NRXN3: variants seen among roughly 807,000 people sequenced by gnomAD.
NRXN3 encodes the protein neurexin III.
In NRXN3, 32 loss-of-function variants were observed where a neutral mutation model predicts 137.6. The ratio of observed to expected loss-of-function variants is 0.23; its 90% CI spans 0.18 to 0.31. NRXN3 has a LOEUF of 0.31. NRXN3 is among the 10% of genes least tolerant of loss of function. NRXN3 has a pLI of 1.00. For missense variants in NRXN3, 1,574 were observed against 2,062.5 expected (o/e 0.76, Z 4.59); for synonymous variants, 798 against 784.5 (o/e 1.02, Z -0.29).
At chr14:79,544,236 C>T (rs760796854) in intron 16 of NRXN3, among the ~76,000 whole-genome samples, 14 of 152,154 alleles carry the variant, frequency 9.2e-5, no homozygotes, top group South Asian at 2.1e-4. Flanking sequence ...ATTGAACAAG[C>T]GCTACAGGAT....
chr14:78,348,676 G>T (rs1304945948), intron 4 of NRXN3, among the ~76,000 whole-genome samples: 1 of 152,156 alleles, frequency 6.6e-6, no homozygotes, highest in African/African-American at 2.4e-5. Context: ...GTATCACTTG[G>T]GAACCTACTG....
At chr14:79,499,046 C>A (rs1300961418) in intron 16 of NRXN3, among the ~76,000 whole-genome samples, 1 of 152,128 alleles carries the variant, frequency 6.6e-6, no homozygotes, top group Admixed American at 6.6e-5. Flanking sequence ...TCACTCCCTG[C>A]CAATCTTTTC....
At chr14:78,366,047 T>C (rs560697606) in intron 4 of NRXN3, among the ~76,000 whole-genome samples, 1 of 152,280 alleles carries the variant, frequency 6.6e-6, no homozygotes, top group South Asian at 2.1e-4. Context: ...TTTTAGCCAG[T>C]TATCTAACCT....
chr14:78,610,903 T>C (rs533168145), intron 4 of NRXN3, among the ~76,000 whole-genome samples: 6 of 152,168 alleles, frequency 3.9e-5, no homozygotes, highest in African/African-American at 1.4e-4. Flanking sequence ...GGAATATAGA[T>C]TGTGTTTTGG....
intron 4 of NRXN3, among the ~76,000 whole-genome samples, chr14:78,468,239 T>C (rs1357017843): frequency 6.6e-6 from 1 of 152,172 alleles, no homozygotes; most frequent in Non-Finnish European, 1.5e-5. Flanking sequence ...ATTCCGTAGT[T>C]TAAATCAACC....
chr14:79,508,413 G>T (rs2096900480), intron 16 of NRXN3, among the ~76,000 whole-genome samples: 2 of 2,678 alleles, frequency 7.5e-4, no homozygotes, highest in Admixed American at 4.3e-3. Flanking sequence ...TTTTAAGACA[G>T]AGTCTCGCTC....
At chr14:79,548,299 T>G (rs1176081213) in intron 16 of NRXN3, among the ~76,000 whole-genome samples, 1 of 152,196 alleles carries the variant, frequency 6.6e-6, no homozygotes, top group African/African-American at 2.4e-5. Context: ...TTTGGTTTTC[T>G]GTTCCTGTGT....
chr14:79,140,311 C>T (rs907537827), intron 15 of NRXN3, among the ~76,000 whole-genome samples: 2 of 152,082 alleles, frequency 1.3e-5, no homozygotes, highest in African/African-American at 4.8e-5. Context: ...ACACACTATC[C>T]TTACATACCT....
chr14:78,243,633 G>A lies in NRXN3; in HGVS notation c.540G>A (p.Lys180=), dbSNP rs1172665427. ...PGFKGLILDL[K]YGNSEPRLLG... Reference sequence around the variant, plus strand: ...TCAAGGGGTTAATTCTGGATCTCAAGTATGGAAACTCGGAGCCTCGGCTTC... The same window carrying A: ...TCAAGGGGTTAATTCTGGATCTCAAATATGGAAACTCGGAGCCTCGGCTTC... Residue 180 remains lysine, a synonymous_variant, in exon 2 of 21, where the codon AAG becomes AAA. Transcript: ENST00000335750. This position sits in a 1 kb window ranked among gnomAD's most constrained non-coding sequence, Gnocchi z 4.2. 6.3e-7 allele frequency: 1 copy of A among 1,598,436 alleles called. No individual in the cohort carries two copies. Among genetic ancestry groups the A allele is most frequent in the Admixed American group, 1.7e-5 (1 of 60,020 alleles).
chr14:79,420,546 C>T (rs1028302320), intron 15 of NRXN3, among the ~76,000 whole-genome samples: 6 of 152,124 alleles, frequency 3.9e-5, no homozygotes, highest in African/African-American at 1.2e-4. Flanking sequence ...AGTGACTGTA[C>T]ACCATGGTTG....
At chr14:79,299,250 G>A (rs990946657) in intron 15 of NRXN3, among the ~76,000 whole-genome samples, 2 of 152,048 alleles carry the variant, frequency 1.3e-5, no homozygotes, top group Non-Finnish European at 2.9e-5. Context: ...CTTGTAAATA[G>A]TGATCATGAT....
chr14:79,259,275 T>C (rs1048979734), intron 15 of NRXN3, among the ~76,000 whole-genome samples: 3 of 152,206 alleles, frequency 2.0e-5, no homozygotes, highest in African/African-American at 7.2e-5. Flanking sequence ...CTTCCTTATC[T>C]GCTGTTTACA....
chr14:79,277,268 G>A (rs1412478655), intron 15 of NRXN3, among the ~76,000 whole-genome samples: 3 of 152,096 alleles, frequency 2.0e-5, no homozygotes, highest in African/African-American at 7.2e-5. Context: ...GAAAGACCTG[G>A]GGAACTAGAG....
chr14:79,100,422 T>G (rs1367929783), intron 15 of NRXN3, among the ~76,000 whole-genome samples: 1 of 152,238 alleles, frequency 6.6e-6, no homozygotes, highest in Non-Finnish European at 1.5e-5. Context: ...CAATATTTAG[T>G]CTTGCTTTTT....
chr14:79,227,888 T>A (rs1262779602), intron 15 of NRXN3, among the ~76,000 whole-genome samples: 1 of 144,700 alleles, frequency 6.9e-6, no homozygotes, highest in Non-Finnish European at 1.5e-5. Flanking sequence ...CTTTACCTAA[T>A]GTCTCAAATG....
chr14:78,979,038 C>T (rs1018039635), intron 14 of NRXN3, among the ~76,000 whole-genome samples: 28 of 151,950 alleles, frequency 1.8e-4, no homozygotes, highest in Admixed American at 1.2e-3. Context: ...GCAAAGAAAG[C>T]GAATTCCTCC....
At chr14:79,810,950 G>A (rs561523843) in intron 20 of NRXN3, among the ~76,000 whole-genome samples, 1 of 152,234 alleles carries the variant, frequency 6.6e-6, no homozygotes, top group South Asian at 2.1e-4. Flanking sequence ...ATAGAGATAC[G>A]TTTTGTCATT....
At chr14:79,389,386 A>G (rs1205490163) in intron 15 of NRXN3, among the ~76,000 whole-genome samples, 1 of 152,208 alleles carries the variant, frequency 6.6e-6, no homozygotes, top group Non-Finnish European at 1.5e-5. Flanking sequence ...ATAACCAACA[A>G]ACTCCCAGGA....
chr14:79,638,335 A>G (rs534120161), intron 16 of NRXN3, among the ~76,000 whole-genome samples: 1 of 152,286 alleles, frequency 6.6e-6, no homozygotes, highest in South Asian at 2.1e-4. Context: ...TTTAAGTTTG[A>G]GTTCTTTTTC....
Sources: allele counts gnomAD v4.1 joint callset (sites outside exome capture counted in the v4.1 genomes callset), GRCh38; gene constraint gnomAD v4.1.1; non-coding constraint Gnocchi (gnomAD v3.1); transcripts MANE v1.5; gene names NCBI Gene and HGNC (gene_info 2026-07-23, HGNC 2026-07-21).